The following ZNF592 variants were observed in gnomAD, a reference collection of about 807,000 sequenced individuals.
The protein encoded by ZNF592 is zinc finger protein 592.
A neutral mutation model predicts 80.3 loss-of-function variants in ZNF592; 11 were observed. The ratio of observed to expected loss-of-function variants is 0.14; its 90% CI spans 0.09 to 0.23. ZNF592 has a LOEUF of 0.23. Among genes scored for constraint, ZNF592 ranks in the 10% least tolerant of loss-of-function variants. The probability of loss-of-function intolerance (pLI) is 1.00; values close to 1 mark genes in which losing one functional copy is unlikely to be tolerated. For synonymous variants in ZNF592, 646 were observed against 640.3 expected, an observed-to-expected ratio of 1.01 and a Z score of -0.13; for missense variants, 1,420 against 1,633.9, an observed-to-expected ratio of 0.87 and a Z score of 2.26.
intron 2 of ZNF592, among the ~76,000 whole-genome samples, chr15:84,775,551 GC>G (rs1962223061): frequency 6.6e-6 from 1 of 152,136 alleles, no homozygotes; most frequent in Non-Finnish European, 1.5e-5. Flanking sequence ...TCCTGCGTCG[GC>G]CTCCTGAGTA....
At chr15:84,790,663 T>C (rs1962720389) in intron 4 of ZNF592, 42 bp from the exon 5 acceptor site, 1 of 1,609,666 alleles carries the variant, frequency 6.2e-7, no homozygotes. Context: ...GCCACAGGCC[T>C]ATGGCCCCTG....
At chr15:84,752,394 A>G (rs1262038696) in intron 1 of ZNF592, among the ~76,000 whole-genome samples, 1 of 152,226 alleles carries the variant, frequency 6.6e-6, no homozygotes, top group Non-Finnish European at 1.5e-5. Context: ...TTAAAGAGCT[A>G]TTTGAAACAG....
chr15:84,788,337 A>G (rs999428094), intron 4 of ZNF592, among the ~76,000 whole-genome samples: 1 of 152,220 alleles, frequency 6.6e-6, no homozygotes, highest in African/African-American at 2.4e-5. Context: ...TGAGTTTCAA[A>G]GGATATTTTT....
chr15:84,769,653 G>A (rs571547626), intron 2 of ZNF592, among the ~76,000 whole-genome samples: 6 of 152,202 alleles, frequency 3.9e-5, no homozygotes, highest in African/African-American at 1.2e-4. Flanking sequence ...AGATCATCCC[G>A]GCTGTGGAGG....
chr15:84,767,245 C>T (rs926015776), intron 2 of ZNF592, among the ~76,000 whole-genome samples: 7 of 152,070 alleles, frequency 4.6e-5, no homozygotes, highest in Non-Finnish European at 7.4e-5. Flanking sequence ...TGGGTGGTCT[C>T]GAACTCCTGA....
chr15:84,755,041 C>G (rs1430527387), intron 1 of ZNF592, among the ~76,000 whole-genome samples: 1 of 143,920 alleles, frequency 6.9e-6, no homozygotes, highest in Non-Finnish European at 1.5e-5. Flanking sequence ...TCTCAGCTCA[C>G]TGCAACCTCT....
chr15:84,784,816 T>A lies in ZNF592; in HGVS notation c.2141T>A (p.Leu714His). 1 of 1,614,058 alleles carries A rather than the reference T, an allele frequency of 6.2e-7. No individual in the cohort carries two copies. Among genetic ancestry groups the A allele is most frequent in the Non-Finnish European group, 8.5e-7 (1 of 1,180,024 alleles). Residue 714 changes from leucine (L) to histidine (H), a missense_variant, in exon 4 of 11, where the codon CTT becomes CAT. Transcript: ENST00000560079. The surrounding 1 kb of genome is among the most constrained non-coding windows in gnomAD (Gnocchi z 5.8). Reference sequence around the variant, plus strand: ...CTCATCCGGTACTCAATCAAGTGTCTTGAATGTCACAAGCAGATGCGGGAC... The same window carrying A: ...CTCATCCGGTACTCAATCAAGTGTCATGAATGTCACAAGCAGATGCGGGAC... ...VRLIRYSIKC[L>H]ECHKQMRDYM...
intron 5 of ZNF592, among the ~76,000 whole-genome samples, chr15:84,792,144 A>C (rs1450330200): frequency 1.3e-5 from 2 of 152,120 alleles, no homozygotes; most frequent in Non-Finnish European, 2.9e-5. Context: ...GGCTTCACTG[A>C]AGGCATGATC....
At chr15:84,766,804 G>A (rs1899540074) in intron 2 of ZNF592, among the ~76,000 whole-genome samples, 1 of 151,300 alleles carries the variant, frequency 6.6e-6, no homozygotes, top group African/African-American at 2.4e-5. Context: ...TGACTCACCA[G>A]CTCGTAAACT....
At chr15:84,781,657 T>G (rs996929585) in intron 3 of ZNF592, among the ~76,000 whole-genome samples, 1 of 152,342 alleles carries the variant, frequency 6.6e-6, no homozygotes, top group East Asian at 1.9e-4. Context: ...AAGAAACACT[T>G]AAGCCAGTAA....
intron 10 of ZNF592, among the ~76,000 whole-genome samples, chr15:84,801,049 G>A (rs558534430): frequency 1.4e-4 from 21 of 152,182 alleles, no homozygotes; most frequent in Non-Finnish European, 2.8e-4. Flanking sequence ...TACTGGGTGC[G>A]GTGGCTCATG....
Position 84,799,983 on chromosome 15 carries a change from T to A in ZNF592, c.3273+6T>A, listed in dbSNP as rs1349971134. The A allele has an allele frequency of 1.2e-6, 2 of 1,613,844 alleles. No homozygotes were observed. The highest frequency in any genetic ancestry group is 1.7e-6 in the Non-Finnish European group (2 of 1,179,926). ...CGGGTGGACATTCCCCTCAGGTGAG[T>A]GTGGGCTCCCTGCCTATTGGAGCTG... On this transcript the variant is annotated splice_donor_region_variant and intron_variant, in intron 10 of 10. Coordinates refer to ENST00000560079, the MANE Select transcript of ZNF592 (RefSeq NM_014630.3). The surrounding 1 kb of genome is among the most constrained non-coding windows in gnomAD (Gnocchi z 4.2).
chr15:84,794,212 C>T (rs551220788), intron 5 of ZNF592, among the ~76,000 whole-genome samples: 36 of 152,188 alleles, frequency 2.4e-4, no homozygotes, highest in South Asian at 8.3e-4. Flanking sequence ...GCACATTCTG[C>T]ACATGTATCC....
At position 84,784,165 on chromosome 15, in the gene ZNF592, ACCT is replaced by A. The variant is rs1350837864; in HGVS notation, c.1494_1496del (p.Leu499del). ...CAGGCATCCACCCTGGCCCCTGCCA[ACCT>A]CCTGCCCAAAGCCGTGCACTTGGCC... On this transcript the variant is annotated inframe_deletion, in exon 4 of 11. Coordinates refer to ENST00000560079, the MANE Select transcript of ZNF592 (RefSeq NM_014630.3). The surrounding 1 kb of genome is among the most constrained non-coding windows in gnomAD (Gnocchi z 5.8). 1 of 1,614,000 alleles carries A rather than the reference ACCT, an allele frequency of 6.2e-7. No homozygotes were observed. The highest frequency in any genetic ancestry group is 8.5e-7 in the Non-Finnish European group (1 of 1,180,026).
At chr15:84,781,603 G>T (rs1476474898) in intron 3 of ZNF592, among the ~76,000 whole-genome samples, 2 of 152,152 alleles carry the variant, frequency 1.3e-5, no homozygotes, top group African/African-American at 2.4e-5. Context: ...TGAAAGAATT[G>T]TGCCAATCTG....
chr15:84,784,927 G>T lies in ZNF592; in HGVS notation c.2220+32G>T. 2 of 1,613,260 alleles carry T rather than the reference G, an allele frequency of 1.2e-6. No individual in the cohort carries two copies. Among genetic ancestry groups the T allele is most frequent in the Non-Finnish European group, 1.7e-6 (2 of 1,179,550 alleles). On this transcript the variant is annotated intron_variant, in intron 4 of 10. Coordinates refer to ENST00000560079, the MANE Select transcript of ZNF592 (RefSeq NM_014630.3). This position sits in a 1 kb window ranked among gnomAD's most constrained non-coding sequence, Gnocchi z 5.8. ...AGACCCTCACTGTTACGGGTATCGGGCCCCTGGCTCACACAGGTTCCATGA... is the reference window on the plus strand; with the variant it reads ...AGACCCTCACTGTTACGGGTATCGGTCCCCTGGCTCACACAGGTTCCATGA...
chr15:84,770,707 C>A (rs1031893485), intron 2 of ZNF592, among the ~76,000 whole-genome samples: 2 of 151,944 alleles, frequency 1.3e-5, no homozygotes, highest in Non-Finnish European at 2.9e-5. Flanking sequence ...AAAAAAACAA[C>A]CAAAAAGCAG....
At chr15:84,757,162 A>G (rs1309261933) in intron 1 of ZNF592, among the ~76,000 whole-genome samples, 2 of 151,926 alleles carry the variant, frequency 1.3e-5, no homozygotes, top group African/African-American at 4.8e-5. Context: ...TGCTATATTG[A>G]CCAAGCCAGT....
intron 3 of ZNF592, among the ~76,000 whole-genome samples, chr15:84,781,690 A>T (rs1278725477): frequency 6.6e-6 from 1 of 152,208 alleles, no homozygotes; most frequent in African/African-American, 2.4e-5. Context: ...GCTGAAGCAG[A>T]TGCAGGACTT....
Sources: gnomAD v4.1 joint callset for allele counts (sites outside exome capture counted in the v4.1 genomes callset) on GRCh38, gnomAD v4.1.1 for gene constraint, Gnocchi (gnomAD v3.1) non-coding constraint, MANE v1.5 for transcripts, NCBI Gene and HGNC (gene_info 2026-07-23, HGNC 2026-07-21) for gene names.